The following ADCY10 variants were observed in gnomAD, a reference collection of about 807,000 sequenced individuals.
ADCY10 encodes the protein adenylate cyclase type 10.
Under a neutral mutation model 183.3 loss-of-function variants are expected in ADCY10, and 156 were observed. The observed-to-expected ratio is 0.85, with a 90% CI of 0.75 to 0.97. The LOEUF (loss-of-function observed/expected upper bound fraction) is 0.97, where lower values mean the gene tolerates loss of function less well. ADCY10 is among the 50% of genes least tolerant of loss of function. The probability of loss-of-function intolerance (pLI) is 0.00; values close to 1 mark genes in which losing one functional copy is unlikely to be tolerated. For missense variants in ADCY10, 1,745 were observed against 1,934.3 expected (o/e 0.90, Z 1.84); for synonymous variants, 645 against 670.0 (o/e 0.96, Z 0.58).
At chr1:167,865,049 A>G (rs1666586044) in intron 14 of ADCY10, among the ~76,000 whole-genome samples, 1 of 152,244 alleles carries the variant, frequency 6.6e-6, no homozygotes, top group African/African-American at 2.4e-5. Flanking sequence ...ATTATCTGCG[A>G]AAGTCATAGA....
intron 8 of ADCY10, among the ~76,000 whole-genome samples, chr1:167,891,423 G>T (rs1163754064): frequency 2.0e-5 from 3 of 151,806 alleles, no homozygotes; most frequent in Non-Finnish European, 2.9e-5. Flanking sequence ...TTGGGAGGCT[G>T]AGGCGGGAAG....
chr1:167,841,661 A>G (rs994646851), intron 21 of ADCY10, among the ~76,000 whole-genome samples: 2 of 151,894 alleles, frequency 1.3e-5, no homozygotes, highest in African/African-American at 4.8e-5. Flanking sequence ...CACCTGGCTA[A>G]TTCTTTTTTT....
chr1:167,905,144 CA>C lies in ADCY10; in HGVS notation c.-5del. 6.2e-7 allele frequency: 1 copy of C among 1,614,162 alleles called. No homozygotes were observed. On this transcript the variant is annotated 5_prime_UTR_variant, in exon 2 of 33. Coordinates refer to ENST00000367851, the MANE Select transcript of ADCY10 (RefSeq NM_018417.6). ...ATTCTTCTTTTGGAGTGTTCATGTT[CA>C]AGACAAATGTTCAGGATTTTATGGT...
Position 167,824,778 on chromosome 1 carries a change from G to T in ADCY10, c.3828C>A (p.Val1276=). Residue 1276 remains valine (V), a synonymous_variant, in exon 27 of 33, where the codon GTC becomes GTA. Transcript: ENST00000367851. ...GGTTGAAGATGTGCTCCATGGCCAT[G>T]ACTTCATATTTGAACCACACACCTT... The part of the protein sequence containing the change: ...GYKGVWFKYE[V]MAMEHIFNLP... The T allele has an allele frequency of 6.2e-7, 1 of 1,614,218 alleles. No homozygotes were observed. The highest frequency in any genetic ancestry group is 8.5e-7 in the Non-Finnish European group (1 of 1,180,040).
Position 167,823,339 on chromosome 1 carries a change from C to A in ADCY10, c.4053-216G>T, listed in dbSNP as rs112013321. Among the ~76,000 whole-genome samples the A allele has an allele frequency of 5.3e-3, 786 of 149,708 alleles. 7 individuals carry two copies. The highest frequency in any genetic ancestry group is 0.018 in the African/African-American group (736 of 40,662). On this transcript the variant is annotated intron_variant, in intron 28 of 32. Transcript: ENST00000367851. ...ACTTGGGAGGCTGAGGCAGGAGAATCGCTTGAAACCAGAAGGCGGAGGTTG... is the reference window on the plus strand; with the variant it reads ...ACTTGGGAGGCTGAGGCAGGAGAATAGCTTGAAACCAGAAGGCGGAGGTTG...
intron 21 of ADCY10, among the ~76,000 whole-genome samples, chr1:167,840,996 A>G (rs1385660647): frequency 2.7e-5 from 4 of 148,074 alleles, no homozygotes; most frequent in Non-Finnish European, 4.4e-5. Flanking sequence ...GCTGGAGTGC[A>G]GTGGCGCCAT....
At chr1:167,899,864 A>G (rs1249542201) in intron 5 of ADCY10, among the ~76,000 whole-genome samples, 1 of 152,244 alleles carries the variant, frequency 6.6e-6, no homozygotes, top group Non-Finnish European at 1.5e-5. Context: ...CTGTAACATT[A>G]TCTCACTACA....
chr1:167,910,913 A>G (rs1670107154), intron 1 of ADCY10, among the ~76,000 whole-genome samples: 1 of 152,246 alleles, frequency 6.6e-6, no homozygotes, highest in Non-Finnish European at 1.5e-5. Context: ...AATTTTAAAT[A>G]AACAATTTTT....
chr1:167,818,019 C>CA, intron 31 of ADCY10, 53 bp downstream of exon 31: 5 of 1,519,236 alleles, frequency 3.3e-6, no homozygotes, highest in Middle Eastern at 3.4e-4. Flanking sequence ...AGGAAGTAGA[C>CA]AGAGATCCAT....
chr1:167,829,516 C>T lies in ADCY10; in HGVS notation c.3594-93G>A. ...AGGTACATGGTGTCCTCACTATGGG[C>T]CTGGGAATCAAAACTGACTTGAATT... On this transcript the variant is annotated intron_variant, in intron 25 of 32. Coordinates refer to ENST00000367851, the MANE Select transcript of ADCY10 (RefSeq NM_018417.6). 2.0e-6 allele frequency: 3 copies of T among 1,471,694 alleles called. No homozygotes were observed. The African/African-American group carries it at 4.1e-5, about 20-fold the overall frequency. 91.2% of individuals were successfully genotyped at this position (1,471,694 alleles called of 1,614,324 possible).
chr1:167,880,291 G>T, intron 10 of ADCY10, 100 bp from the exon 11 acceptor site: 1 of 1,182,848 alleles, frequency 8.5e-7, no homozygotes, highest in Non-Finnish European at 1.2e-6. Context: ...GGGAAAGGGT[G>T]GGAAAGGATT....
intron 17 of ADCY10, among the ~76,000 whole-genome samples, chr1:167,855,451 C>A (rs1258706806): frequency 6.6e-6 from 1 of 152,222 alleles, no homozygotes; most frequent in Non-Finnish European, 1.5e-5. Flanking sequence ...CAGAGAACAC[C>A]AATACCAGAC....
At chr1:167,878,000 C>T (rs1464184834) in intron 12 of ADCY10, among the ~76,000 whole-genome samples, 1 of 152,206 alleles carries the variant, frequency 6.6e-6, no homozygotes, top group East Asian at 1.9e-4. Flanking sequence ...TTCAAAGTGA[C>T]ACCCATAAAT....
intron 26 of ADCY10, among the ~76,000 whole-genome samples, chr1:167,827,679 G>C (rs74842820): frequency 8.6e-5 from 13 of 151,076 alleles, no homozygotes; most frequent in African/African-American, 2.4e-4. Flanking sequence ...GTCAAAGCTA[G>C]TTCCATAATA....
chr1:167,878,547 G>A lies in ADCY10; in HGVS notation c.1305C>T (p.Ser435=). ...CTTTAAAAAAGTACGCTGGTAGGTT[G>A]CTCCCATTGTAGGTGACAGAGTCGC... The part of the protein sequence containing the change: ...VTCDSVTYNG[S]NLPAYFFKEL... Residue 435 remains serine (S), a synonymous_variant, in exon 12 of 33, where the codon AGC becomes AGT. Coordinates refer to ENST00000367851, the MANE Select transcript of ADCY10 (RefSeq NM_018417.6). 1 of 1,614,120 alleles carries A rather than the reference G, an allele frequency of 6.2e-7. No homozygotes were observed. Among genetic ancestry groups the A allele is most frequent in the Admixed American group, 1.7e-5 (1 of 60,018 alleles).
intron 1 of ADCY10, among the ~76,000 whole-genome samples, chr1:167,909,618 A>T (rs762382066): frequency 3.9e-5 from 6 of 152,106 alleles, no homozygotes; most frequent in Admixed American, 2.0e-4. Context: ...GTGGCCCAAG[A>T]TGATTCTTCC....
intron 24 of ADCY10, among the ~76,000 whole-genome samples, chr1:167,833,436 AAAAAT>A (rs1663928002): frequency 1.3e-5 from 2 of 152,136 alleles, no homozygotes; most frequent in Admixed American, 1.3e-4. Context: ...AGATTGTAAC[AAAAAT>A]ATTTCATAAA....
intron 18 of ADCY10, among the ~76,000 whole-genome samples, chr1:167,850,662 CGTGTGTGTGTGTGTGTGT>C (rs35744623): frequency 2.3e-5 from 2 of 87,920 alleles, no homozygotes; most frequent in East Asian, 7.8e-4. Flanking sequence ...AAAAGGGGGC[CGTGTGTGTGTGTGTGTGT>C]GTGTGTGTGT....
At chr1:167,901,621 A>C (rs758247227) in intron 5 of ADCY10, 41 bp downstream of exon 5, 1 of 1,604,206 alleles carries the variant, frequency 6.2e-7, no homozygotes, top group Admixed American at 1.7e-5. Flanking sequence ...TCAAGACCCT[A>C]TCCCAGCTGC....
Sources: gnomAD v4.1 joint callset for allele counts (sites outside exome capture counted in the v4.1 genomes callset) on GRCh38, gnomAD v4.1.1 for gene constraint, MANE v1.5 for transcripts, NCBI Gene and HGNC (gene_info 2026-07-23, HGNC 2026-07-21) for gene names.